The following PRKN variants were observed in gnomAD, a reference collection of about 807,000 sequenced individuals.
PRKN encodes the protein parkin RBR E3 ubiquitin protein ligase.
In PRKN, 56 loss-of-function variants were observed where a neutral mutation model predicts 59.5. The ratio of observed to expected loss-of-function variants is 0.94; its 90% CI spans 0.76 to 1.18. PRKN has a LOEUF of 1.18. PRKN is among the 50% of genes most tolerant of loss of function. The pLI, the probability that PRKN is intolerant of heterozygous loss-of-function variation, is 0.00. For missense variants in PRKN, 657 were observed against 596.4 expected (o/e 1.10, Z -1.06); for synonymous variants, 250 against 222.1 (o/e 1.13, Z -1.12).
At chr6:161,633,646 G>A (rs1783398019) in intron 7 of PRKN, among the ~76,000 whole-genome samples, 1 of 152,228 alleles carries the variant, frequency 6.6e-6, no homozygotes, top group Non-Finnish European at 1.5e-5. Context: ...GCAAGGCCAG[G>A]AGCACTGCTC....
intron 2 of PRKN, among the ~76,000 whole-genome samples, chr6:162,406,211 T>C (rs903740501): frequency 6.6e-6 from 1 of 152,210 alleles, no homozygotes; most frequent in Non-Finnish European, 1.5e-5. Context: ...GCCATTGTTA[T>C]TCCAAATGGA....
At chr6:161,991,629 G>T (rs1781651022) in intron 5 of PRKN, among the ~76,000 whole-genome samples, 1 of 152,054 alleles carries the variant, frequency 6.6e-6, no homozygotes, top group Non-Finnish European at 1.5e-5. Flanking sequence ...GTCACCTGAG[G>T]TCACGAGTTT....
chr6:161,516,151 T>C (rs1778577766), intron 9 of PRKN, among the ~76,000 whole-genome samples: 1 of 152,078 alleles, frequency 6.6e-6, no homozygotes, highest in Non-Finnish European at 1.5e-5. Flanking sequence ...AAGTGTTACT[T>C]TAAGAAGAAA....
At position 161,388,060 on chromosome 6, in the gene PRKN, G is replaced by A. The variant is rs903523426; in HGVS notation, c.1084-1183C>T. Reference sequence around the variant, plus strand: ...ATCCATGGACCTCTCCTGAAAGCACGTCCCATTCTCATCGCCACCAGCCAT... The same window carrying A: ...ATCCATGGACCTCTCCTGAAAGCACATCCCATTCTCATCGCCACCAGCCAT... On this transcript the variant is annotated intron_variant, in intron 9 of 11. Transcript: ENST00000366898. This position sits in a 1 kb window ranked among gnomAD's most constrained non-coding sequence, Gnocchi z 4.3. Among the ~76,000 whole-genome samples the A allele has an allele frequency of 6.6e-6, 1 of 152,138 alleles. No homozygotes were observed. Among genetic ancestry groups the A allele is most frequent in the African/African-American group, 2.4e-5 (1 of 41,448 alleles).
chr6:162,139,746 C>T (rs1446788070), intron 4 of PRKN, among the ~76,000 whole-genome samples: 1 of 152,124 alleles, frequency 6.6e-6, no homozygotes, highest in Non-Finnish European at 1.5e-5. Flanking sequence ...AACAGACCCG[C>T]ACCTATACAT....
chr6:162,120,745 G>C (rs912502962), intron 4 of PRKN, among the ~76,000 whole-genome samples: 1 of 152,166 alleles, frequency 6.6e-6, no homozygotes, highest in African/African-American at 2.4e-5. Context: ...GAGCCAGGAG[G>C]CTTCTAAAAT....
intron 7 of PRKN, among the ~76,000 whole-genome samples, chr6:161,634,099 C>T (rs369883707): frequency 2.8e-4 from 43 of 151,664 alleles, no homozygotes; most frequent in Middle Eastern, 6.8e-3. Context: ...AGTGAGTTAT[C>T]GTTACTGATG....
chr6:161,398,482 C>T (rs746498992), intron 9 of PRKN, among the ~76,000 whole-genome samples: 5 of 152,120 alleles, frequency 3.3e-5, no homozygotes, highest in Non-Finnish European at 5.9e-5. Context: ...CCAGGATCCC[C>T]GAGTGACTTG....
chr6:161,646,048 A>G (rs113266491), intron 7 of PRKN, among the ~76,000 whole-genome samples: 2 of 94,842 alleles, frequency 2.1e-5, no homozygotes, highest in Non-Finnish European at 2.4e-5. Flanking sequence ...TGCGTGGTGG[A>G]GGAGGCGGCG....
At position 161,579,576 on chromosome 6, in the gene PRKN, T is replaced by C. The variant is rs952473274; in HGVS notation, c.872-10160A>G. 2.0e-5 allele frequency among the ~76,000 whole-genome samples: 3 copies of C among 152,292 alleles called. No homozygotes were observed. In the Middle Eastern group the frequency reaches 0.01, roughly 518 times the overall value. On this transcript the variant is annotated intron_variant, in intron 7 of 11. Coordinates refer to ENST00000366898, the MANE Select transcript of PRKN (RefSeq NM_004562.3). This position sits in a 1 kb window ranked among gnomAD's most constrained non-coding sequence, Gnocchi z 4.2. ...GGGCATGTTCCTGAATAGGGCATATTCAGGCACTATTAAGTTTGGGAAAAT... is the reference window on the plus strand; with the variant it reads ...GGGCATGTTCCTGAATAGGGCATATCCAGGCACTATTAAGTTTGGGAAAAT...
chr6:162,633,753 A>T (rs1335404240), intron 1 of PRKN, among the ~76,000 whole-genome samples: 1 of 151,782 alleles, frequency 6.6e-6, no homozygotes, highest in East Asian at 2.0e-4. Context: ...TGGGGGAGGA[A>T]GGGAGGAGAG....
intron 6 of PRKN, among the ~76,000 whole-genome samples, chr6:161,889,555 G>A (rs1795269326): frequency 6.6e-6 from 1 of 152,192 alleles, no homozygotes; most frequent in South Asian, 2.1e-4. Flanking sequence ...GAGGGATGGA[G>A]GCCAGGTCAG....
intron 6 of PRKN, among the ~76,000 whole-genome samples, chr6:161,809,434 G>A (rs939683169): frequency 2.0e-5 from 3 of 152,084 alleles, no homozygotes. Flanking sequence ...AAAATGTTAG[G>A]GAGAAACTGG....
chr6:162,057,450 T>C (rs1472600583), intron 4 of PRKN, among the ~76,000 whole-genome samples: 1 of 152,208 alleles, frequency 6.6e-6, no homozygotes, highest in Non-Finnish European at 1.5e-5. Flanking sequence ...TAGAAGGTTG[T>C]CTGCACCTTT....
chr6:161,883,895 C>T (rs1452891543), intron 6 of PRKN, among the ~76,000 whole-genome samples: 1 of 152,044 alleles, frequency 6.6e-6, no homozygotes, highest in Admixed American at 6.6e-5. Flanking sequence ...TCAAGTGATC[C>T]GCCCATCTTG....
intron 4 of PRKN, among the ~76,000 whole-genome samples, chr6:162,164,509 G>A (rs1411268064): frequency 6.7e-6 from 1 of 149,010 alleles, no homozygotes; most frequent in Non-Finnish European, 1.5e-5. Context: ...ACCATGCCTG[G>A]CCTAATCTGT....
At chr6:162,156,632 C>A (rs560098003) in intron 4 of PRKN, among the ~76,000 whole-genome samples, 3 of 152,176 alleles carry the variant, frequency 2.0e-5, no homozygotes, top group Non-Finnish European at 4.4e-5. Flanking sequence ...ACATTGGCAG[C>A]TGATTAGATT....
At chr6:162,629,684 T>C (rs577279257) in intron 1 of PRKN, among the ~76,000 whole-genome samples, 16 of 152,296 alleles carry the variant, frequency 1.1e-4, no homozygotes, top group African/African-American at 3.8e-4. Flanking sequence ...CATTAAAATG[T>C]TGTAATAACA....
intron 1 of PRKN, among the ~76,000 whole-genome samples, chr6:162,561,991 T>C (rs1317427376): frequency 6.6e-6 from 1 of 152,062 alleles, no homozygotes; most frequent in African/African-American, 2.4e-5. Flanking sequence ...GCATCACTGC[T>C]CCCCTAATCC....
Sources: allele counts gnomAD v4.1 joint callset (sites outside exome capture counted in the v4.1 genomes callset), GRCh38; gene constraint gnomAD v4.1.1; non-coding constraint Gnocchi (gnomAD v3.1); transcripts MANE v1.5; gene names NCBI Gene and HGNC (gene_info 2026-07-23, HGNC 2026-07-21).